The following LRRD1 variants were observed in gnomAD, a reference collection of about 807,000 sequenced individuals.
LRRD1 encodes the protein leucine rich repeats and death domain containing 1, also known as leucine-rich repeat and death domain-containing protein 1.
In LRRD1, 49 loss-of-function variants were observed where a neutral mutation model predicts 69.5. The observed-to-expected ratio is 0.70, with a 90% CI of 0.56 to 0.89. The LOEUF (loss-of-function observed/expected upper bound fraction) is 0.89, where lower values mean the gene tolerates loss of function less well. Ranked by LOEUF, LRRD1 falls within the 40% of genes least tolerant of loss-of-function variation. The pLI is 0.00. For synonymous variants in LRRD1, 303 were observed against 338.9 expected (o/e 0.89, Z 1.16); for missense variants, 853 against 956.0 (o/e 0.89, Z 1.42).
intron 3 of LRRD1, among the ~76,000 whole-genome samples, chr7:92,151,097 A>T (rs1205291276): frequency 6.6e-6 from 1 of 152,180 alleles, no homozygotes; most frequent in Non-Finnish European, 1.5e-5. Flanking sequence ...ATCATATTAC[A>T]TTTGTTTAAT....
downstream of LRRD1, among the ~76,000 whole-genome samples, chr7:92,144,628 C>CAAA (rs61338977): frequency 3.5e-5 from 3 of 85,830 alleles, no homozygotes; most frequent in African/African-American, 8.3e-5. Context: ...AACTCCATCT[C>CAAA]AAAAAAAAAA....
chr7:92,163,443 G>T lies in LRRD1; in HGVS notation c.1760C>A (p.Ser587Ter). The change falls in exon 2 of 6, where the codon TCG becomes TAG. Residue 587 changes from serine (S) to a stop codon, truncating the protein, a stop_gained. Coordinates refer to ENST00000458448, the MANE Select transcript of LRRD1 (RefSeq NM_001161528.2). LOFTEE classifies it high-confidence loss of function. ...AGAGATTTTCTGTAATTGGTTTTCC[G>T]AAAGATCAAGTACTTGCAAATTTTC... ...TLENLQVLDL[S>*]ENQLQKISSD... 6.5e-7 allele frequency: 1 copy of T among 1,544,696 alleles called. No individual in the cohort carries two copies. Among genetic ancestry groups the T allele is most frequent in the Non-Finnish European group, 8.7e-7 (1 of 1,144,924 alleles).
At chr7:92,169,573 C>G (rs2131017576) in intron 1 of LRRD1, among the ~76,000 whole-genome samples, 1 of 151,768 alleles carries the variant, frequency 6.6e-6, no homozygotes, top group African/African-American at 2.4e-5. Flanking sequence ...CTGCTTAAAC[C>G]CAAGAGGCAG....
intron 5 of LRRD1, 103 bp from the exon 6 acceptor site, chr7:92,145,177 T>A: frequency 1.7e-6 from 1 of 582,782 alleles, no homozygotes; most frequent in Non-Finnish European, 2.4e-6. Flanking sequence ...AACATTGCTT[T>A]AAACTCCTGT....
Position 92,163,877 on chromosome 7 carries a change from GTTA to G in LRRD1, c.1323_1325del (p.Asn442del), listed in dbSNP as rs1210249639. The G allele has an allele frequency of 5.3e-6, 8 of 1,520,112 alleles. No homozygotes were observed. Among genetic ancestry groups the G allele is most frequent in the Non-Finnish European group, 7.0e-6 (8 of 1,137,186 alleles). 94.2% of individuals were successfully genotyped at this position (1,520,112 alleles called of 1,614,324 possible). A position where few individuals can be genotyped will look rare whatever the true frequency, so the allele number is the denominator to read the frequency against. On this transcript the variant is annotated inframe_deletion, in exon 2 of 6. Coordinates refer to ENST00000458448, the MANE Select transcript of LRRD1 (RefSeq NM_001161528.2). ...TTCCTGAAAATTCTAGACTGCATATGTTATTAAGATGTGAGATACAGTCAGTTA... is the reference window on the plus strand; with the variant it reads ...TTCCTGAAAATTCTAGACTGCATATGTTAAGATGTGAGATACAGTCAGTTA...
downstream of LRRD1, among the ~76,000 whole-genome samples, chr7:92,143,481 GC>G (rs1820226199): frequency 6.6e-6 from 1 of 152,198 alleles, no homozygotes; most frequent in Non-Finnish European, 1.5e-5. Flanking sequence ...GGAGGCTCGG[GC>G]ATGGTGGGCT....
At chr7:92,150,802 A>G (rs1016759268) in intron 3 of LRRD1, 107 bp from the exon 4 acceptor site, 1 of 731,772 alleles carries the variant, frequency 1.4e-6, no homozygotes. Context: ...GGACCCTCAC[A>G]ATGCAGCAGG....
chr7:92,157,017 A>G (rs1788672353), intron 3 of LRRD1, among the ~76,000 whole-genome samples: 1 of 141,652 alleles, frequency 7.1e-6, no homozygotes, highest in Admixed American at 7.1e-5. Context: ...GTATTTTTTC[A>G]TATGATATTT....
At chr7:92,170,568 G>T (rs894676779) in intron 1 of LRRD1, among the ~76,000 whole-genome samples, 1 of 152,198 alleles carries the variant, frequency 6.6e-6, no homozygotes, top group Non-Finnish European at 1.5e-5. Flanking sequence ...GTTCTAATTT[G>T]TCTGGCAACA....
chr7:92,148,473 T>C (rs542386900), intron 4 of LRRD1, among the ~76,000 whole-genome samples: 1 of 117,178 alleles, frequency 8.5e-6, no homozygotes, highest in Non-Finnish European at 1.7e-5. Context: ...TTTCATGCTA[T>C]GATATATATA....
At chr7:92,161,429 T>TA (rs1788793186) in intron 2 of LRRD1, among the ~76,000 whole-genome samples, 1 of 152,240 alleles carries the variant, frequency 6.6e-6, no homozygotes, top group Admixed American at 6.5e-5. Flanking sequence ...AGACAACAGA[T>TA]ACGCAATTTG....
chr7:92,178,372 A>C (rs1789241380), intron 1 of LRRD1, among the ~76,000 whole-genome samples: 1 of 151,838 alleles, frequency 6.6e-6, no homozygotes, highest in Non-Finnish European at 1.5e-5. Context: ...AGCATTAAGA[A>C]TCTCACTTAA....
chr7:92,164,619 A>C lies in LRRD1; in HGVS notation c.584T>G (p.Leu195Arg), dbSNP rs748150083. Residue 195 changes from leucine to arginine, a missense_variant, in exon 2 of 6, where the codon CTG becomes CGG. Physicochemically the swap from Leu to Arg is moderately radical, Grantham distance 102. This residue lies in a region of LRRD1 where 739 missense variants were observed against 808.0 expected (regional missense o/e 0.91). Transcript: ENST00000458448. ...AAGTGATGATAATCCATTTTCTTGC[A>C]GGGATAGAATTTCAAGTCCTAACAG... ...GDLLGLEILS[L>R]QENGLSSLPS... The C allele has an allele frequency of 5.2e-6, 8 of 1,551,748 alleles. No individual in the cohort carries two copies. The highest frequency in any genetic ancestry group is 7.0e-6 in the Non-Finnish European group (8 of 1,146,850).
At chr7:92,169,258 C>A (rs1788994766) in intron 1 of LRRD1, among the ~76,000 whole-genome samples, 1 of 151,512 alleles carries the variant, frequency 6.6e-6, no homozygotes, top group Non-Finnish European at 1.5e-5. Flanking sequence ...ATAACACACA[C>A]AAAAAAACAG....
At chr7:92,157,955 A>G (rs1328095968) in intron 3 of LRRD1, among the ~76,000 whole-genome samples, 13 of 152,162 alleles carry the variant, frequency 8.5e-5, no homozygotes, top group Non-Finnish European at 1.8e-4. Flanking sequence ...TGTTTCTTCT[A>G]TAAAATACTT....
intron 1 of LRRD1, among the ~76,000 whole-genome samples, chr7:92,177,881 T>A (rs375096219): frequency 6.6e-6 from 1 of 152,198 alleles, no homozygotes; most frequent in Admixed American, 6.5e-5. Context: ...AGCACAGATA[T>A]GCAATGAAAT....
downstream of LRRD1, chr7:92,144,817 A>T: frequency 1.1e-6 from 1 of 912,778 alleles, no homozygotes. Context: ...AAGTGAAGTG[A>T]AATGGTTCAC....
At chr7:92,175,867 T>C (rs1462413440) in intron 1 of LRRD1, among the ~76,000 whole-genome samples, 1 of 152,264 alleles carries the variant, frequency 6.6e-6, no homozygotes, top group Non-Finnish European at 1.5e-5. Flanking sequence ...TTTTCAATAG[T>C]AAATTATTCA....
downstream of LRRD1, among the ~76,000 whole-genome samples, chr7:92,143,782 G>A (rs1314007475): frequency 2.0e-5 from 3 of 152,248 alleles, no homozygotes; most frequent in Admixed American, 6.5e-5. Flanking sequence ...ACAGTGCAGC[G>A]GTGGGCTGAA....
Sources: gnomAD v4.1 joint callset for allele counts (sites outside exome capture counted in the v4.1 genomes callset) on GRCh38, gnomAD v4.1.1 for gene constraint, gnomAD v4.1.1 regional missense constraint, MANE v1.5 for transcripts, NCBI Gene and HGNC (gene_info 2026-07-23, HGNC 2026-07-21) for gene names.